The following UBE3A variants were observed in gnomAD, a reference collection of about 807,000 sequenced individuals.
UBE3A encodes the protein ubiquitin-protein ligase E3A.
Under a neutral mutation model 83.4 loss-of-function variants are expected in UBE3A, and 6 were observed. The ratio of observed to expected loss-of-function variants is 0.07; its 90% CI spans 0.04 to 0.14. The LOEUF (loss-of-function observed/expected upper bound fraction) is 0.14. UBE3A is among the 10% of genes least tolerant of loss of function. The pLI is 1.00. For missense variants in UBE3A, 456 were observed against 1,036.1 expected (o/e 0.44, Z 7.69); for synonymous variants, 337 against 355.4 (o/e 0.95, Z 0.58).
chr15:25,345,465 G>T (rs1362016441), intron 11 of UBE3A, among the ~76,000 whole-genome samples: 1 of 151,934 alleles, frequency 6.6e-6, no homozygotes, highest in Admixed American at 6.6e-5. Flanking sequence ...GCATATTTTT[G>T]ACCATTTTAC....
intron 4 of UBE3A, among the ~76,000 whole-genome samples, chr15:25,388,544 A>C (rs1359365514): frequency 6.6e-6 from 1 of 152,168 alleles, no homozygotes; most frequent in African/African-American, 2.4e-5. Context: ...TTTCTTACTA[A>C]GATCAGGAAC....
intron 12 of UBE3A, 64 bp from the exon 13 acceptor site, chr15:25,339,321 A>T: frequency 6.3e-7 from 1 of 1,579,460 alleles, no homozygotes; most frequent in South Asian, 1.1e-5. Flanking sequence ...ACTTAGAATT[A>T]AATGCTCCTA....
At chr15:25,433,588 G>A (rs1199021665) in intron 1 of UBE3A, among the ~76,000 whole-genome samples, 1 of 152,122 alleles carries the variant, frequency 6.6e-6, no homozygotes, top group Non-Finnish European at 1.5e-5. Flanking sequence ...AAGAAGGAAC[G>A]AAGGCTTCAA....
chr15:25,434,929 A>T (rs1482333620), intron 1 of UBE3A, among the ~76,000 whole-genome samples: 1 of 151,746 alleles, frequency 6.6e-6, no homozygotes, highest in Non-Finnish European at 1.5e-5. Context: ...AGAGTATTTG[A>T]AGACAACTGC....
chr15:25,412,357 T>C (rs571031421), intron 1 of UBE3A, among the ~76,000 whole-genome samples: 7 of 152,350 alleles, frequency 4.6e-5, no homozygotes, highest in African/African-American at 1.2e-4. Context: ...GCATCGGCTA[T>C]GTTAGGTACA....
intron 4 of UBE3A, among the ~76,000 whole-genome samples, chr15:25,386,092 C>T (rs1363516939): frequency 1.3e-5 from 2 of 152,166 alleles, no homozygotes; most frequent in East Asian, 3.9e-4. Flanking sequence ...AGAGAAATAA[C>T]CCAACTTCAG....
At chr15:25,361,978 A>C (rs961184443) in intron 6 of UBE3A, among the ~76,000 whole-genome samples, 2 of 152,196 alleles carry the variant, frequency 1.3e-5, no homozygotes, top group Admixed American at 6.5e-5. Flanking sequence ...GTTGCCCGAG[A>C]GCATTGTTTT....
rs2074045775 is a variant in UBE3A at position 25,337,565 on chromosome 15, T to A, written c.*1572A>T. On this transcript the variant is annotated 3_prime_UTR_variant, in exon 13 of 13. Transcript: ENST00000648336. ...CTGTCTCAATTATGAAAAAAATTAA[T>A]TAAAATAATCCTGAAAGACATCCTT... is the stretch of plus-strand genomic sequence containing the variant. The A allele has an allele frequency of 6.6e-6, 1 of 152,122 alleles. No individual in the cohort carries two copies. The highest frequency in any genetic ancestry group is 2.4e-5 in the African/African-American group (1 of 41,430). 9.4% of individuals were successfully genotyped at this position (152,122 alleles called of 1,614,324 possible).
intron 1 of UBE3A, among the ~76,000 whole-genome samples, chr15:25,427,631 A>AAAAAAAC: frequency 1.7e-5 from 2 of 115,254 alleles, no homozygotes; most frequent in Non-Finnish European, 3.8e-5. Context: ...AAAAAAAAAA[A>AAAAAAAC]CCCACAAAAC....
At chr15:25,427,920 C>A (rs1489863340) in intron 1 of UBE3A, among the ~76,000 whole-genome samples, 1 of 151,570 alleles carries the variant, frequency 6.6e-6, no homozygotes, top group Non-Finnish European at 1.5e-5. Flanking sequence ...AAGAATAAAA[C>A]CCTGTAATTT....
chr15:25,397,154 T>C lies in UBE3A; in HGVS notation c.62+8307A>G, dbSNP rs139441275. 3.3e-5 allele frequency among the ~76,000 whole-genome samples: 5 copies of C among 152,326 alleles called. No homozygotes were observed. The East Asian group carries it at 9.6e-4, about 29-fold the overall frequency. On this transcript the variant is annotated intron_variant, in intron 4 of 12. Coordinates refer to ENST00000648336, the MANE Select transcript of UBE3A (RefSeq NM_130839.5). ...TTTCTAGATATAGGAATGTGAGAAA[T>C]GGTAGCAGCCTTGAAGGTTTAGAGC...
chr15:25,384,402 A>C (rs1250477999), intron 4 of UBE3A, among the ~76,000 whole-genome samples: 1 of 150,432 alleles, frequency 6.6e-6, no homozygotes, highest in East Asian at 2.0e-4. Flanking sequence ...GCAGAGGTGC[A>C]GTGAGCCAAG....
intron 1 of UBE3A, chr15:25,418,949 A>G (rs1289413409): frequency 6.6e-6 from 1 of 152,180 alleles, no homozygotes; most frequent in Non-Finnish European, 1.5e-5. Flanking sequence ...ATAAAATGGC[A>G]TGGTATTTGC....
rs998862194 is a variant in UBE3A at position 25,339,445 on chromosome 15, A to C, written c.2499-188T>G. On this transcript the variant is annotated intron_variant, in intron 12 of 12. Coordinates refer to ENST00000648336, the MANE Select transcript of UBE3A (RefSeq NM_130839.5). The stretch of plus-strand genomic sequence containing the variant: ...TGCCTTTATCCTATAAATTACTCAA[A>C]GCTAGTGACGATGATAAGATACTGT... The C allele has an allele frequency of 1.1e-5, 7 of 609,906 alleles. No homozygotes were observed. In the African/African-American group the frequency reaches 1.3e-4, roughly 11 times the overall value. 37.8% of individuals were successfully genotyped at this position (609,906 alleles called of 1,614,324 possible).
intron 11 of UBE3A, among the ~76,000 whole-genome samples, chr15:25,344,177 T>A (rs1342422150): frequency 6.6e-6 from 1 of 152,198 alleles, no homozygotes; most frequent in Non-Finnish European, 1.5e-5. Flanking sequence ...CACTGTGACA[T>A]TAGTACTAAC....
At chr15:25,379,207 T>C (rs753260812) in intron 4 of UBE3A, among the ~76,000 whole-genome samples, 9 of 152,212 alleles carry the variant, frequency 5.9e-5, no homozygotes, top group South Asian at 2.1e-4. Context: ...GCTTAGAACA[T>C]TGCCTGGCAC....
intron 11 of UBE3A, among the ~76,000 whole-genome samples, chr15:25,348,853 G>A (rs1224142877): frequency 6.6e-6 from 1 of 152,192 alleles, no homozygotes; most frequent in East Asian, 1.9e-4. Flanking sequence ...AGGATTGGAA[G>A]AATATATTGT....
At chr15:25,347,682 A>G (rs1232612344) in intron 11 of UBE3A, among the ~76,000 whole-genome samples, 2 of 152,230 alleles carry the variant, frequency 1.3e-5, no homozygotes, top group Non-Finnish European at 2.9e-5. Context: ...CCTGGGCAAC[A>G]GAGCGAGACT....
rs79328837 is a variant in UBE3A at position 25,355,883 on chromosome 15, A to G, written c.2124+9T>C. The G allele has an allele frequency of 4.3e-3, 6,855 of 1,610,224 alleles. 23 individuals carry two copies. The highest frequency in any genetic ancestry group is 9.2e-3 in the Middle Eastern group (47 of 5,134). On this transcript the variant is annotated intron_variant, in intron 9 of 12. Transcript: ENST00000648336. ...AAGAGACAAAATGTGACATAAAAAC[A>G]TTTATTACCTTCCTGTTTTCATTTG...
Sources: gnomAD v4.1 joint callset for allele counts (sites outside exome capture counted in the v4.1 genomes callset) on GRCh38, gnomAD v4.1.1 for gene constraint, MANE v1.5 for transcripts, NCBI Gene and HGNC (gene_info 2026-07-23, HGNC 2026-07-21) for gene names.